ADCY2: variants seen among roughly 807,000 people sequenced by gnomAD.
ADCY2 encodes the protein adenylate cyclase type 2.
In ADCY2, 31 loss-of-function variants were observed where a neutral mutation model predicts 125.2. The observed-to-expected ratio is 0.25, with a 90% CI of 0.19 to 0.33. ADCY2 has a LOEUF of 0.33. Ranked by LOEUF, ADCY2 falls within the 10% of genes least tolerant of loss-of-function variation. The pLI, the probability that ADCY2 is intolerant of heterozygous loss-of-function variation, is 1.00. For synonymous variants in ADCY2, 512 were observed against 548.4 expected (o/e 0.93, Z 0.93); for missense variants, 904 against 1,418.2 (o/e 0.64, Z 5.82).
At chr5:7,623,428 A>C (rs1054049582) in intron 3 of ADCY2, among the ~76,000 whole-genome samples, 1 of 152,214 alleles carries the variant, frequency 6.6e-6, no homozygotes, top group Non-Finnish European at 1.5e-5. Flanking sequence ...ACAAGGTCTG[A>C]AGAATTTTTA....
chr5:7,808,516 T>G (rs1284124299), intron 22 of ADCY2, among the ~76,000 whole-genome samples: 1 of 152,186 alleles, frequency 6.6e-6, no homozygotes, highest in Non-Finnish European at 1.5e-5. Context: ...AGGAGGTAAG[T>G]AGTAAAACTC....
intron 4 of ADCY2, among the ~76,000 whole-genome samples, chr5:7,661,756 T>C (rs901451681): frequency 6.6e-6 from 1 of 152,202 alleles, no homozygotes; most frequent in Non-Finnish European, 1.5e-5. Context: ...AAAATTGTAT[T>C]TTTATTTTTA....
intron 1 of ADCY2, among the ~76,000 whole-genome samples, chr5:7,408,822 G>A (rs192184664): frequency 6.6e-6 from 1 of 152,254 alleles, no homozygotes; most frequent in African/African-American, 2.4e-5. Context: ...ACAGCGTTAC[G>A]ATTCCTCAAA....
chr5:7,626,712 T>C (rs1579249933), intron 4 of ADCY2, among the ~76,000 whole-genome samples: 1 of 152,112 alleles, frequency 6.6e-6, no homozygotes, highest in East Asian at 1.9e-4. Context: ...CCAACTCTCA[T>C]GGGAACAATA....
At chr5:7,442,324 T>C (rs1741044013) in intron 2 of ADCY2, among the ~76,000 whole-genome samples, 1 of 152,200 alleles carries the variant, frequency 6.6e-6, no homozygotes, top group African/African-American at 2.4e-5. Flanking sequence ...ATGCCTCACA[T>C]TCTAGATTTG....
At chr5:7,602,204 A>G (rs963087553) in intron 3 of ADCY2, among the ~76,000 whole-genome samples, 2 of 152,226 alleles carry the variant, frequency 1.3e-5, no homozygotes, top group Non-Finnish European at 2.9e-5. Flanking sequence ...GGTCACATTC[A>G]CAGGTTCCAA....
At chr5:7,727,399 C>T in intron 14 of ADCY2, 138 bp downstream of exon 14, 3 of 688,346 alleles carry the variant, frequency 4.4e-6, no homozygotes, top group Non-Finnish European at 7.3e-6. Flanking sequence ...GAGAGTAACC[C>T]AGGACCTCGG....
At chr5:7,405,077 T>C (rs1561006743) in intron 1 of ADCY2, among the ~76,000 whole-genome samples, 1 of 152,298 alleles carries the variant, frequency 6.6e-6, no homozygotes, top group East Asian at 1.9e-4. Context: ...TGAGGCACCG[T>C]GAAGACCCTC....
At chr5:7,825,829 G>A (rs1474341073) in intron 24 of ADCY2, among the ~76,000 whole-genome samples, 3 of 152,204 alleles carry the variant, frequency 2.0e-5, no homozygotes, top group Non-Finnish European at 4.4e-5. Flanking sequence ...TAAGGAAGGC[G>A]CAGCACACGC....
At chr5:7,735,703 T>A (rs769683112) in intron 14 of ADCY2, among the ~76,000 whole-genome samples, 1 of 152,236 alleles carries the variant, frequency 6.6e-6, no homozygotes, top group East Asian at 1.9e-4. Context: ...CAAACCTTTT[T>A]ACTTGTGGCT....
intron 3 of ADCY2, among the ~76,000 whole-genome samples, chr5:7,532,462 C>T (rs992353154): frequency 2.0e-5 from 3 of 152,226 alleles, no homozygotes; most frequent in Admixed American, 2.0e-4. Flanking sequence ...CTCTTTCCAA[C>T]TGCTTTGCCT....
intron 4 of ADCY2, among the ~76,000 whole-genome samples, chr5:7,652,555 C>A (rs1739132817): frequency 6.6e-6 from 1 of 152,166 alleles, no homozygotes; most frequent in Non-Finnish European, 1.5e-5. Flanking sequence ...ACATTGTATT[C>A]TCTGTATAAT....
chr5:7,812,718 G>A (rs1744984584), intron 22 of ADCY2, among the ~76,000 whole-genome samples: 1 of 152,144 alleles, frequency 6.6e-6, no homozygotes, highest in Admixed American at 6.5e-5. Flanking sequence ...GACCAACCTG[G>A]CCAACACGGT....
chr5:7,695,623 T>C (rs911820377), intron 5 of ADCY2, 129 bp from the exon 6 acceptor site: 1 of 463,106 alleles, frequency 2.2e-6, no homozygotes, highest in Non-Finnish European at 3.8e-6. Context: ...TCTGAGAAAA[T>C]GACCTCTTAC....
intron 2 of ADCY2, among the ~76,000 whole-genome samples, chr5:7,475,459 G>A (rs1034149086): frequency 1.3e-5 from 2 of 151,782 alleles, no homozygotes; most frequent in Non-Finnish European, 2.9e-5. Context: ...TCGGCTCACT[G>A]CAACCTCCGT....
intron 18 of ADCY2, among the ~76,000 whole-genome samples, chr5:7,775,288 C>A (rs1743685675): frequency 6.6e-6 from 1 of 152,042 alleles, no homozygotes; most frequent in African/African-American, 2.4e-5. Context: ...ATCATGTTGG[C>A]CAGGCTGCTC....
At chr5:7,533,629 TG>T (rs1734721688) in intron 3 of ADCY2, among the ~76,000 whole-genome samples, 1 of 152,166 alleles carries the variant, frequency 6.6e-6, no homozygotes, top group South Asian at 2.1e-4. Context: ...TCTCCCTCTA[TG>T]TGTCTGATGA....
chr5:7,661,574 T>C (rs542149050), intron 4 of ADCY2, among the ~76,000 whole-genome samples: 1 of 152,346 alleles, frequency 6.6e-6, no homozygotes, highest in South Asian at 2.1e-4. Flanking sequence ...TCCCGACACT[T>C]GGTTTTAATG....
chr5:7,819,953 C>T (rs1327858034), intron 23 of ADCY2, among the ~76,000 whole-genome samples: 1 of 152,168 alleles, frequency 6.6e-6, no homozygotes, highest in Non-Finnish European at 1.5e-5. Flanking sequence ...GAGCAGTGGC[C>T]AGAAGAAAAG....
Sources: gnomAD v4.1 joint callset for allele counts (sites outside exome capture counted in the v4.1 genomes callset) on GRCh38, gnomAD v4.1.1 for gene constraint, MANE v1.5 for transcripts, NCBI Gene and HGNC (gene_info 2026-07-23, HGNC 2026-07-21) for gene names.